Variants in BLVRB observed in about 807,000 individuals in gnomAD.
The protein encoded by BLVRB is flavin reductase (NADPH).
BLVRB carries 25 observed loss-of-function variants against 21.1 expected under a neutral mutation model. The observed-to-expected ratio is 1.19, with a 90% confidence interval of 0.86 to 1.66. BLVRB has a LOEUF of 1.66. Among genes scored for constraint, BLVRB ranks in the 40% most tolerant of loss-of-function variants. BLVRB has a pLI of 0.00. For missense variants in BLVRB, 274 were observed against 282.7 expected, an observed-to-expected ratio of 0.97 and a Z score of 0.22; for synonymous variants, 128 against 122.2, an observed-to-expected ratio of 1.05 and a Z score of -0.31.
chr19:40,460,247 C>CAT (rs57153004), intron 1 of BLVRB, among the ~76,000 whole-genome samples: 1,696 of 121,078 alleles, frequency 0.014, 51 homozygotes, highest in East Asian at 0.042. Context: ...GTAATAGCAA[C>CAT]ATATATATAT....
rs113645768 is a variant in BLVRB at position 40,456,230 on chromosome 19, T to C, written c.334+1925A>G. Among the ~76,000 whole-genome samples, 93 of 152,232 alleles carry C rather than the reference T, an allele frequency of 6.1e-4. 4 individuals are homozygous for C. The highest frequency in any genetic ancestry group is 2.1e-3 in the African/African-American group (86 of 41,540). On this transcript the variant is annotated intron_variant, in intron 3 of 4. Coordinates refer to ENST00000263368, the MANE Select transcript of BLVRB (RefSeq NM_000713.3). The stretch of plus-strand genomic sequence containing the variant: ...GAGGACGGTAGGTGTACTGGTGTCC[T>C]TTCAATTTTTCTGTAAGTTTAAGAT...
intron 1 of BLVRB, among the ~76,000 whole-genome samples, chr19:40,462,262 G>A (rs1216674465): frequency 6.6e-6 from 1 of 151,564 alleles, no homozygotes; most frequent in African/African-American, 2.4e-5. Context: ...GGGCTTGCAT[G>A]GGCCAATATG....
At chr19:40,458,934 C>T (rs1007913314) in intron 1 of BLVRB, among the ~76,000 whole-genome samples, 2 of 152,004 alleles carry the variant, frequency 1.3e-5, no homozygotes, top group Admixed American at 1.3e-4. Context: ...CTCAGGTGAT[C>T]TGCCTGCCTC....
At position 40,448,016 on chromosome 19, in the gene BLVRB, A is replaced by G. The variant is rs1265562450; in HGVS notation, c.494T>C (p.Val165Ala). Residue 165 changes from valine to alanine, a missense_variant, in exon 5 of 5, where the codon GTG becomes GCG. Transcript: ENST00000263368. ...TGAGGGCCCTCGTCCATCCAGGGTC[A>G]CTGTGTACGCCCCAGTTAGTGGCTG... Reference protein sequence around the residue: ...GDQPLTGAYTVTLDGRGPSRV... With the variant: ...GDQPLTGAYTATLDGRGPSRV... 1 of 1,614,050 alleles carries G rather than the reference A, an allele frequency of 6.2e-7. No individual in the cohort carries two copies. The highest frequency in any genetic ancestry group is 1.7e-5 in the Admixed American group (1 of 60,000).
intron 1 of BLVRB, among the ~76,000 whole-genome samples, chr19:40,459,611 C>G (rs995499508): frequency 6.6e-6 from 1 of 151,984 alleles, no homozygotes; most frequent in African/African-American, 2.4e-5. Context: ...CCCTCTGTTG[C>G]CCAGGCTGGA....
At chr19:40,451,321 C>G in intron 4 of BLVRB, 43 bp downstream of exon 4, 1 of 1,578,426 alleles carries the variant, frequency 6.3e-7, no homozygotes, top group Non-Finnish European at 8.6e-7. Flanking sequence ...CAGGAGGGAA[C>G]AGGCAGATGG....
chr19:40,462,892 C>CAAAAAAA (rs56923063), intron 1 of BLVRB, among the ~76,000 whole-genome samples: 1 of 49,858 alleles, frequency 2.0e-5, no homozygotes, highest in Non-Finnish European at 3.4e-5. Flanking sequence ...ACTCTTGTCT[C>CAAAAAAA]AAAAAAAAAA....
chr19:40,461,498 A>C (rs1239560289), intron 1 of BLVRB, among the ~76,000 whole-genome samples: 2 of 135,524 alleles, frequency 1.5e-5, no homozygotes, highest in Non-Finnish European at 3.2e-5. Context: ...CCCACAGCAC[A>C]TTTTTTTTTT....
At chr19:40,454,552 T>TTCTTTTG (rs2079754206) in intron 3 of BLVRB, among the ~76,000 whole-genome samples, 1 of 151,880 alleles carries the variant, frequency 6.6e-6, no homozygotes, top group African/African-American at 2.4e-5. Context: ...AGTTTCTTTT[T>TTCTTTTG]TCTTTTTTTT....
chr19:40,448,025 G>A lies in BLVRB; in HGVS notation c.485C>T (p.Ala162Val), dbSNP rs374753276. The change falls in exon 5 of 5, where the codon GCG becomes GTG. Residue 162 changes from alanine (A) to valine (V), a missense_variant. By Grantham distance (64) the Ala-to-Val change is moderately conservative. Transcript: ENST00000263368. ...TCGTCCATCCAGGGTCACTGTGTAC[G>A]CCCCAGTTAGTGGCTGGTCTCCTAT... is the stretch of plus-strand genomic sequence containing the variant. Reference protein sequence around the residue: ...PHIGDQPLTGAYTVTLDGRGP... With the variant: ...PHIGDQPLTGVYTVTLDGRGP... The A allele has an allele frequency of 3.9e-5, 63 of 1,613,210 alleles. No homozygotes were observed. Among genetic ancestry groups the A allele is most frequent in the East Asian group, 6.7e-5 (3 of 44,838 alleles).
chr19:40,459,040 C>A (rs1330506231), intron 1 of BLVRB, among the ~76,000 whole-genome samples: 1 of 151,514 alleles, frequency 6.6e-6, no homozygotes, highest in Non-Finnish European at 1.5e-5. Flanking sequence ...TAAAATAGAC[C>A]ATACCTTGGC....
intron 3 of BLVRB, among the ~76,000 whole-genome samples, chr19:40,453,715 G>A (rs2079750376): frequency 6.6e-6 from 1 of 152,160 alleles, no homozygotes; most frequent in South Asian, 2.1e-4. Flanking sequence ...TCAAAGGCTG[G>A]GCAGAGTGGC....
chr19:40,460,845 G>T (rs984907999), intron 1 of BLVRB, among the ~76,000 whole-genome samples: 1 of 152,100 alleles, frequency 6.6e-6, no homozygotes, highest in African/African-American at 2.4e-5. Flanking sequence ...GGTGGTGCAT[G>T]CCTGTAATCC....
chr19:40,460,270 A>ATATATATATATATG (rs1336577975), intron 1 of BLVRB, among the ~76,000 whole-genome samples: 1 of 126,354 alleles, frequency 7.9e-6, no homozygotes, highest in African/African-American at 3.2e-5. Context: ...ATATATATAT[A>ATATATATATATATG]TATATTTAGA....
chr19:40,461,316 C>T lies in BLVRB; in HGVS notation c.80-2771G>A, dbSNP rs74330998. Among the ~76,000 whole-genome samples the T allele has an allele frequency of 6.1e-3, 930 of 152,264 alleles. 13 individuals are homozygous for T. Among genetic ancestry groups the T allele is most frequent in the African/African-American group, 0.021 (880 of 41,542 alleles). ...TGCCCTCTCCAATCCATATTCCACACAGCAGCCAGACAGAGTTCTCCACAG... is the reference window on the plus strand; with the variant it reads ...TGCCCTCTCCAATCCATATTCCACATAGCAGCCAGACAGAGTTCTCCACAG... On this transcript the variant is annotated intron_variant, in intron 1 of 4. Coordinates refer to ENST00000263368, the MANE Select transcript of BLVRB (RefSeq NM_000713.3).
intron 1 of BLVRB, among the ~76,000 whole-genome samples, chr19:40,463,771 ATT>A (rs568219419): frequency 6.9e-6 from 1 of 143,902 alleles, no homozygotes; most frequent in African/African-American, 2.6e-5. Flanking sequence ...TGCCCAGCTA[ATT>A]TTTTTTTTTT....
chr19:40,463,553 C>G (rs1203054809), intron 1 of BLVRB, among the ~76,000 whole-genome samples: 1 of 142,738 alleles, frequency 7.0e-6, no homozygotes, highest in Non-Finnish European at 1.5e-5. Flanking sequence ...CTCCCTCCCT[C>G]CTTCCCTCCC....
chr19:40,463,559 C>T (rs898847429), intron 1 of BLVRB, among the ~76,000 whole-genome samples: 7 of 138,284 alleles, frequency 5.1e-5, no homozygotes, highest in East Asian at 2.4e-4. Context: ...CCCTCCTTCC[C>T]TCCCTTCTTT....
rs1237826415 is a variant in BLVRB, at chr19:40,452,919, G to A, written c.335-1427C>T. 2.2e-4 allele frequency among the ~76,000 whole-genome samples: 33 copies of A among 151,416 alleles called. 1 individual carries two copies. Among genetic ancestry groups the A allele is most frequent in the Admixed American group, 2.2e-3 (33 of 15,162 alleles). On this transcript the variant is annotated intron_variant, in intron 3 of 4. Transcript: ENST00000263368. ...ACAAAAAAAACACAAAAATTAGCCA[G>A]GTGTCGTGGTGCATGCCTGTAATCC...
Sources: gnomAD v4.1 joint callset for allele counts (sites outside exome capture counted in the v4.1 genomes callset) on GRCh38, gnomAD v4.1.1 for gene constraint, MANE v1.5 for transcripts, NCBI Gene and HGNC (gene_info 2026-07-23, HGNC 2026-07-21) for gene names.